The following BNC2 variants were observed in gnomAD, a reference collection of about 807,000 sequenced individuals.
BNC2 encodes the protein basonuclin zinc finger protein 2, also known as zinc finger protein basonuclin-2.
In BNC2, 20 loss-of-function variants were observed where a neutral mutation model predicts 76.3. The ratio of observed to expected loss-of-function variants is 0.26; its 90% confidence interval spans 0.18 to 0.38. The LOEUF (loss-of-function observed/expected upper bound fraction) is 0.38. BNC2 is among the 10% of genes least tolerant of loss of function. The pLI is 1.00. For missense variants in BNC2, 1,382 were observed against 1,399.8 expected, an observed-to-expected ratio of 0.99 and a Z score of 0.20; for synonymous variants, 582 against 514.8, an observed-to-expected ratio of 1.13 and a Z score of -1.77.
intron 1 of BNC2, among the ~76,000 whole-genome samples, chr9:16,828,311 C>A (rs1441250927): frequency 6.6e-6 from 1 of 152,132 alleles, no homozygotes; most frequent in Admixed American, 6.5e-5. Flanking sequence ...CCACAGCAAA[C>A]AACACATTAT....
chr9:16,750,893 A>T (rs1825172036), intron 1 of BNC2, among the ~76,000 whole-genome samples: 1 of 152,224 alleles, frequency 6.6e-6, no homozygotes, highest in Non-Finnish European at 1.5e-5. Context: ...AGTAACACAG[A>T]AGTTTCTGGG....
intron 1 of BNC2, among the ~76,000 whole-genome samples, chr9:16,780,247 AAAAAAAAAAC>A (rs1209497886): frequency 7.4e-6 from 1 of 134,910 alleles, no homozygotes; most frequent in Non-Finnish European, 1.5e-5. Flanking sequence ...AAAAAAAAAA[AAAAAAAAAAC>A]AAAAAAAAAC....
chr9:16,496,630 G>T (rs562628251), intron 5 of BNC2, among the ~76,000 whole-genome samples: 2 of 152,112 alleles, frequency 1.3e-5, no homozygotes, highest in Non-Finnish European at 2.9e-5. Context: ...ATGCTCTGCA[G>T]TTTCTTTAAA....
intron 3 of BNC2, among the ~76,000 whole-genome samples, chr9:16,703,363 CAATATTCTCCGGAAAAATCACATTTT>C (rs1823571292): frequency 6.6e-6 from 1 of 151,846 alleles, no homozygotes; most frequent in Non-Finnish European, 1.5e-5. Context: ...CAGCACAGAG[CAATATTCTCCGGAAAAATCACATTTT>C]AAAATGTACA....
At chr9:16,701,928 C>T (rs1336356726) in intron 3 of BNC2, among the ~76,000 whole-genome samples, 2 of 100,526 alleles carry the variant, frequency 2.0e-5, no homozygotes, top group African/African-American at 7.5e-5. Context: ...GGTGACAGAA[C>T]GAGACTCTCC....
rs1300109406 is a variant in BNC2 at position 16,415,118 on chromosome 9, C to T, written c.*3871G>A. 3.3e-5 allele frequency: 5 copies of T among 152,040 alleles called. No individual in the cohort carries two copies. Among genetic ancestry groups the T allele is most frequent in the Non-Finnish European group, 7.4e-5 (5 of 68,006 alleles). 9.4% of individuals were successfully genotyped at this position (152,040 alleles called of 1,614,324 possible). On this transcript the variant is annotated 3_prime_UTR_variant, in exon 7 of 7. Coordinates refer to ENST00000380672, the MANE Select transcript of BNC2 (RefSeq NM_017637.6). ...AAGGAAAACATTAACACCTTTAAAC[C>T]TTTAAAAGGCATCAGGCTGAACAGG...
At chr9:16,655,353 T>A (rs890867573) in intron 3 of BNC2, among the ~76,000 whole-genome samples, 1 of 152,134 alleles carries the variant, frequency 6.6e-6, no homozygotes, top group Non-Finnish European at 1.5e-5. Context: ...AGCATCAATG[T>A]ATTAAGATTA....
intron 5 of BNC2, among the ~76,000 whole-genome samples, chr9:16,450,524 G>C (rs932233909): frequency 2.6e-5 from 4 of 152,208 alleles, no homozygotes; most frequent in Middle Eastern, 3.2e-3. Context: ...GCAAGCATAA[G>C]TAACAGGGCC....
chr9:16,492,011 T>C (rs1382375180), intron 5 of BNC2, among the ~76,000 whole-genome samples: 1 of 152,222 alleles, frequency 6.6e-6, no homozygotes, highest in African/African-American at 2.4e-5. Flanking sequence ...CCGTTTCATC[T>C]ACAAATACGA....
chr9:16,682,342 T>A (rs1822850105), intron 3 of BNC2, among the ~76,000 whole-genome samples: 1 of 150,708 alleles, frequency 6.6e-6, no homozygotes, highest in Admixed American at 6.6e-5. Context: ...ATCGACAGAC[T>A]TCGATGAGCA....
chr9:16,775,402 A>AT (rs1825938444), intron 1 of BNC2, among the ~76,000 whole-genome samples: 1 of 151,252 alleles, frequency 6.6e-6, no homozygotes, highest in South Asian at 2.1e-4. Context: ...GTTATTAAAA[A>AT]AAAAAAAACT....
intron 3 of BNC2, among the ~76,000 whole-genome samples, chr9:16,610,402 G>A (rs1037311486): frequency 2.0e-5 from 3 of 152,196 alleles, no homozygotes; most frequent in Non-Finnish European, 4.4e-5. Flanking sequence ...GGAATCCGAG[G>A]TTCCCAACAA....
intron 5 of BNC2, among the ~76,000 whole-genome samples, chr9:16,490,123 C>A (rs554536436): frequency 6.6e-6 from 1 of 152,246 alleles, no homozygotes; most frequent in African/African-American, 2.4e-5. Context: ...AGAGTGAAAG[C>A]TCACTGTATT....
intron 3 of BNC2, among the ~76,000 whole-genome samples, chr9:16,647,560 C>T (rs1821671114): frequency 6.6e-6 from 1 of 152,016 alleles, no homozygotes; most frequent in Non-Finnish European, 1.5e-5. Context: ...GGTGACGCTT[C>T]TGGGAAAAGT....
chr9:16,798,812 T>C (rs552151852), intron 1 of BNC2, among the ~76,000 whole-genome samples: 2 of 152,250 alleles, frequency 1.3e-5, no homozygotes, highest in Non-Finnish European at 2.9e-5. Context: ...AATAAACATA[T>C]GCCCACAGAG....
chr9:16,856,223 C>G lies in BNC2; in HGVS notation c.3+14423G>C, dbSNP rs563647518. Among the ~76,000 whole-genome samples, 10 of 152,052 alleles carry G rather than the reference C, an allele frequency of 6.6e-5. No individual in the cohort carries two copies. The South Asian group carries it at 1.0e-3, about 16-fold the overall frequency. The stretch of plus-strand genomic sequence containing the variant: ...CCTTCTACCCTCCCCCATAAGGAAG[C>G]AGCAAACTACCAGTTTCTCATCCAT... On this transcript the variant is annotated intron_variant, in intron 1 of 6. Coordinates refer to ENST00000380672, the MANE Select transcript of BNC2 (RefSeq NM_017637.6).
chr9:16,558,222 A>T (rs901968905), intron 4 of BNC2, among the ~76,000 whole-genome samples: 1 of 152,214 alleles, frequency 6.6e-6, no homozygotes, highest in Non-Finnish European at 1.5e-5. Context: ...CACCCTGAGC[A>T]TAACAACTGG....
intron 4 of BNC2, 63 bp from the exon 5 acceptor site, chr9:16,552,828 C>A (rs1168680098): frequency 3.5e-5 from 48 of 1,359,106 alleles, no homozygotes; most frequent in South Asian, 2.0e-4. Flanking sequence ...AGAGAGAGAA[C>A]AGGAGTTAGA....
intron 1 of BNC2, among the ~76,000 whole-genome samples, chr9:16,847,607 A>G (rs1228222118): frequency 6.6e-6 from 1 of 152,248 alleles, no homozygotes; most frequent in Non-Finnish European, 1.5e-5. Context: ...ACAAGGTAGT[A>G]TAACTTAATT....
Sources: gnomAD v4.1 joint callset for allele counts (sites outside exome capture counted in the v4.1 genomes callset) on GRCh38, gnomAD v4.1.1 for gene constraint, MANE v1.5 for transcripts, NCBI Gene and HGNC (gene_info 2026-07-23, HGNC 2026-07-21) for gene names.